Variants in ARHGAP20 observed in about 807,000 individuals in gnomAD.
The protein encoded by ARHGAP20 is Rho GTPase activating protein 20.
Under a neutral mutation model 73.7 loss-of-function variants are expected in ARHGAP20, and 34 were observed. The observed-to-expected ratio is 0.46, with a 90% CI of 0.35 to 0.61. The LOEUF (loss-of-function observed/expected upper bound fraction) is 0.61. Among genes scored for constraint, ARHGAP20 ranks in the 20% least tolerant of loss-of-function variants. ARHGAP20 has a pLI of 0.00. For missense variants in ARHGAP20, 1,314 were observed against 1,420.9 expected (o/e 0.92, Z 1.21); for synonymous variants, 523 against 518.2 (o/e 1.01, Z -0.13).
chr11:110,645,652 G>C lies in ARHGAP20; in HGVS notation c.189-14860C>G, dbSNP rs117370068. On this transcript the variant is annotated intron_variant, in intron 2 of 14. Transcript: ENST00000683387. ...CCAAAGGAAAAGAAATCATTCTACTGAAAAGACACATATGTACCTGTATGT... is the reference window on the plus strand; with the variant it reads ...CCAAAGGAAAAGAAATCATTCTACTCAAAAGACACATATGTACCTGTATGT... Among the ~76,000 whole-genome samples, 954 of 152,220 alleles carry C rather than the reference G, an allele frequency of 6.3e-3. 8 individuals carry two copies. The highest frequency in any genetic ancestry group is 0.014 in the Middle Eastern group (4 of 294).
At position 110,671,239 on chromosome 11, in the gene ARHGAP20, C is replaced by A. The variant is rs1187954227; in HGVS notation, c.188+19308G>T. On this transcript the variant is annotated intron_variant, in intron 2 of 14. Coordinates refer to ENST00000683387, the MANE Select transcript of ARHGAP20 (RefSeq NM_001384657.1). ...TAAGACTAAAACAAAGAAAAAAAAA[C>A]CCAACAACATGATCATCTCAAAGTT... 7.3e-5 allele frequency among the ~76,000 whole-genome samples: 11 copies of A among 150,422 alleles called. No individual in the cohort carries two copies. The South Asian group carries it at 1.5e-3, about 20-fold the overall frequency.
At chr11:110,701,507 G>A (rs12284375) in intron 1 of ARHGAP20, among the ~76,000 whole-genome samples, 43,849 of 148,632 alleles carry the variant, frequency 0.3, 6,955 homozygotes, top group African/African-American at 0.45. Context: ...AGTAGGTTGC[G>A]AAAATTTTCT....
intron 3 of ARHGAP20, among the ~76,000 whole-genome samples, chr11:110,626,745 T>A (rs1010276745): frequency 6.6e-6 from 1 of 152,074 alleles, no homozygotes; most frequent in Non-Finnish European, 1.5e-5. Context: ...TTTTTTTTTT[T>A]AATCTCTCCA....
intron 7 of ARHGAP20, 21 bp downstream of exon 7, chr11:110,611,288 A>C (rs1385469271): frequency 1.4e-6 from 2 of 1,440,600 alleles, no homozygotes; most frequent in Non-Finnish European, 1.9e-6. Context: ...TTAATTAAGA[A>C]TGTCTAGCAG....
intron 1 of ARHGAP20, among the ~76,000 whole-genome samples, chr11:110,699,363 C>T (rs1271597633): frequency 6.6e-6 from 1 of 151,822 alleles, no homozygotes; most frequent in African/African-American, 2.4e-5. Context: ...TGCAGAGTGA[C>T]AAGAATGTAT....
At chr11:110,682,749 AAAT>A (rs1353304273) in intron 2 of ARHGAP20, among the ~76,000 whole-genome samples, 1 of 152,192 alleles carries the variant, frequency 6.6e-6, no homozygotes, top group Non-Finnish European at 1.5e-5. Context: ...GGAAGAAGGG[AAAT>A]AATAATAACT....
intron 2 of ARHGAP20, among the ~76,000 whole-genome samples, chr11:110,662,659 G>A (rs1303606161): frequency 6.6e-6 from 1 of 151,804 alleles, no homozygotes; most frequent in Non-Finnish European, 1.5e-5. Flanking sequence ...TAAAAGAAAC[G>A]AAACATGAAT....
chr11:110,703,449 C>T (rs1230248458), intron 1 of ARHGAP20, among the ~76,000 whole-genome samples: 1 of 151,454 alleles, frequency 6.6e-6, no homozygotes, highest in Non-Finnish European at 1.5e-5. Context: ...ACCTGCCCTA[C>T]TCACTATATA....
chr11:110,698,843 T>C (rs529770696), intron 1 of ARHGAP20, among the ~76,000 whole-genome samples: 2 of 151,856 alleles, frequency 1.3e-5, no homozygotes, highest in Non-Finnish European at 1.5e-5. Flanking sequence ...CTGTCATTTT[T>C]GTGTAACCTT....
chr11:110,670,051 C>G (rs1949797550), intron 2 of ARHGAP20, among the ~76,000 whole-genome samples: 1 of 152,022 alleles, frequency 6.6e-6, no homozygotes, highest in South Asian at 2.1e-4. Context: ...CACTGATTGC[C>G]TGAGGATAGG....
At chr11:110,647,943 T>C (rs565932474) in intron 2 of ARHGAP20, among the ~76,000 whole-genome samples, 1 of 151,902 alleles carries the variant, frequency 6.6e-6, no homozygotes, top group Admixed American at 6.6e-5. Flanking sequence ...TAAATTGGTG[T>C]TGAAGTTAAG....
At chr11:110,603,623 T>C (rs948821136) in intron 9 of ARHGAP20, among the ~76,000 whole-genome samples, 2 of 152,206 alleles carry the variant, frequency 1.3e-5, no homozygotes, top group Non-Finnish European at 2.9e-5. Flanking sequence ...CCAACCTCGA[T>C]GCAAGAGCAA....
chr11:110,595,731 T>C (rs1006401087), intron 9 of ARHGAP20, among the ~76,000 whole-genome samples: 13 of 152,304 alleles, frequency 8.5e-5, no homozygotes, highest in South Asian at 4.1e-4. Flanking sequence ...AGGTAATTTA[T>C]AGATTCAATG....
chr11:110,630,901 G>T, intron 2 of ARHGAP20, 109 bp from the exon 3 acceptor site: 1 of 1,099,286 alleles, frequency 9.1e-7, no homozygotes, highest in Non-Finnish European at 1.3e-6. Flanking sequence ...ATCCTAACTG[G>T]TCATGAGTCT....
At chr11:110,696,412 T>C (rs1272772401) in intron 1 of ARHGAP20, among the ~76,000 whole-genome samples, 1 of 151,678 alleles carries the variant, frequency 6.6e-6, no homozygotes, top group African/African-American at 2.4e-5. Context: ...CCATAAGTTA[T>C]AATTTTCTTC....
chr11:110,642,947 C>G (rs1352932013), intron 2 of ARHGAP20, among the ~76,000 whole-genome samples: 1 of 152,118 alleles, frequency 6.6e-6, no homozygotes, highest in East Asian at 1.9e-4. Context: ...TTTATTACTG[C>G]TTCAATTTCA....
At chr11:110,601,555 C>T (rs958257782) in intron 9 of ARHGAP20, among the ~76,000 whole-genome samples, 7 of 152,170 alleles carry the variant, frequency 4.6e-5, no homozygotes, top group Non-Finnish European at 8.8e-5. Flanking sequence ...AGGGCACAAA[C>T]TATGCTCCCT....
At chr11:110,599,951 C>A (rs1333883952) in intron 9 of ARHGAP20, among the ~76,000 whole-genome samples, 1 of 152,202 alleles carries the variant, frequency 6.6e-6, no homozygotes, top group African/African-American at 2.4e-5. Flanking sequence ...GACCTGCCTG[C>A]AGAGAGGAGC....
intron 2 of ARHGAP20, among the ~76,000 whole-genome samples, chr11:110,646,422 T>C (rs561052952): frequency 3.3e-5 from 5 of 152,140 alleles, no homozygotes. Flanking sequence ...TAATGAATAA[T>C]TGCTTTAAGA....
Sources: gnomAD v4.1 joint callset for allele counts (sites outside exome capture counted in the v4.1 genomes callset) on GRCh38, gnomAD v4.1.1 for gene constraint, MANE v1.5 for transcripts, NCBI Gene and HGNC (gene_info 2026-07-23, HGNC 2026-07-21) for gene names.